Variants in SAMD12 observed in about 807,000 individuals in gnomAD.
SAMD12 encodes sterile alpha motif domain-containing protein 12.
SAMD12 carries 9 observed loss-of-function variants against 15.0 expected under a neutral mutation model. The observed-to-expected ratio is 0.60, with a 90% CI of 0.36 to 1.05. The LOEUF is 1.05. SAMD12 is among the 50% of genes least tolerant of loss of function. The pLI, the probability that SAMD12 is intolerant of heterozygous loss-of-function variation, is 0.01. For synonymous variants in SAMD12, 86 were observed against 90.1 expected (o/e 0.96, Z 0.25); for missense variants, 230 against 234.2 (o/e 0.98, Z 0.12).
chr8:118,150,229 T>C, the SAMD12 span, among the ~76,000 whole-genome samples: 6 of 152,332 alleles, frequency 3.9e-5, no homozygotes, highest in East Asian at 7.7e-4. Flanking sequence ...ATGATATACA[T>C]CTTTAACTCA....
At chr8:118,242,094 T>C (rs1812582908) in intron 4 of SAMD12, among the ~76,000 whole-genome samples, 1 of 152,168 alleles carries the variant, frequency 6.6e-6, no homozygotes, top group Non-Finnish European at 1.5e-5. Flanking sequence ...CTGTATTTTT[T>C]TGTAGAGACA....
chr8:118,581,043 G>A, intron 1 of SAMD12, 150 bp from the exon 2 acceptor site: 3 of 570,466 alleles, frequency 5.3e-6, no homozygotes, highest in Non-Finnish European at 9.1e-6. Context: ...AATATGGTGA[G>A]GAGGGAGCAC....
chr8:118,404,353 T>C (rs752178282), intron 3 of SAMD12, among the ~76,000 whole-genome samples: 2 of 152,218 alleles, frequency 1.3e-5, no homozygotes, highest in Admixed American at 6.5e-5. Context: ...TCTGCAATAA[T>C]TTTGCAAAAT....
the SAMD12 span, among the ~76,000 whole-genome samples, chr8:118,145,435 G>A: frequency 7.0e-4 from 107 of 152,344 alleles, no homozygotes; most frequent in Non-Finnish European, 1.3e-3. Context: ...ACTATCTTGA[G>A]TGTTCATTCA....
At chr8:118,149,349 T>C in the SAMD12 span, among the ~76,000 whole-genome samples, 1 of 152,234 alleles carries the variant, frequency 6.6e-6, no homozygotes, top group African/African-American at 2.4e-5. Context: ...AGATGTGAAG[T>C]GATGGCTCAT....
chr8:118,240,479 G>A (rs1812539950), intron 4 of SAMD12, among the ~76,000 whole-genome samples: 1 of 152,118 alleles, frequency 6.6e-6, no homozygotes, highest in Admixed American at 6.6e-5. Flanking sequence ...CCAGTTATGA[G>A]CTTTGTAACC....
intron 4 of SAMD12, among the ~76,000 whole-genome samples, chr8:118,372,901 T>G (rs73325685): frequency 0.045 from 6,862 of 152,108 alleles, 486 homozygotes; most frequent in African/African-American, 0.15. Context: ...TCTCCAGAAG[T>G]CAAAGAAGTC....
chr8:118,569,369 G>C (rs553683840), intron 2 of SAMD12, among the ~76,000 whole-genome samples: 3 of 152,192 alleles, frequency 2.0e-5, no homozygotes, highest in Non-Finnish European at 4.4e-5. Context: ...CCATCTCCAA[G>C]ATATCTCATT....
intron 2 of SAMD12, among the ~76,000 whole-genome samples, chr8:118,483,705 C>T (rs1316390224): frequency 1.3e-5 from 2 of 152,126 alleles, no homozygotes; most frequent in East Asian, 3.8e-4. Context: ...TTATAATAGA[C>T]AGTAGTACAG....
At chr8:118,608,137 G>A (rs1828024900) in intron 1 of SAMD12, among the ~76,000 whole-genome samples, 3 of 151,578 alleles carry the variant, frequency 2.0e-5, no homozygotes, top group Non-Finnish European at 4.4e-5. Flanking sequence ...CCATAAATTT[G>A]CATCAAGAGT....
At chr8:118,320,305 C>T (rs926403980) in intron 4 of SAMD12, among the ~76,000 whole-genome samples, 57 of 152,086 alleles carry the variant, frequency 3.7e-4, no homozygotes, top group Admixed American at 3.1e-3. Context: ...TTCACATGGA[C>T]GACTCTAGAA....
chr8:118,492,122 CTTTT>C (rs543720456), intron 2 of SAMD12, among the ~76,000 whole-genome samples: 1 of 132,154 alleles, frequency 7.6e-6, no homozygotes. Flanking sequence ...CTGGTGTTGC[CTTTT>C]TTTTTTTTTT....
intron 2 of SAMD12, among the ~76,000 whole-genome samples, chr8:118,565,327 G>A (rs1054095168): frequency 6.6e-6 from 1 of 152,178 alleles, no homozygotes; most frequent in Non-Finnish European, 1.5e-5. Context: ...AGAAAGGCCA[G>A]ATGAGCTATT....
intron 2 of SAMD12, among the ~76,000 whole-genome samples, chr8:118,519,775 A>G (rs1343383896): frequency 2.6e-5 from 4 of 152,220 alleles, no homozygotes; most frequent in African/African-American, 4.8e-5. Context: ...CAAATTGCCT[A>G]AAGCAGTAAA....
At chr8:118,167,386 A>C in the SAMD12 span, among the ~76,000 whole-genome samples, 1 of 152,102 alleles carries the variant, frequency 6.6e-6, no homozygotes, top group Admixed American at 6.5e-5. Flanking sequence ...GGCGTGTTAC[A>C]ATCAGGAGGT....
chr8:118,420,199 G>A (rs987953685), intron 3 of SAMD12, among the ~76,000 whole-genome samples: 4 of 152,174 alleles, frequency 2.6e-5, no homozygotes, highest in Non-Finnish European at 4.4e-5. Context: ...AATTGCTAGA[G>A]AAAGAAAATC....
intron 4 of SAMD12, among the ~76,000 whole-genome samples, chr8:118,224,258 C>T (rs1322017199): frequency 6.6e-6 from 1 of 152,058 alleles, no homozygotes; most frequent in Admixed American, 6.6e-5. Flanking sequence ...TCCTTTCCCT[C>T]ATTACAACAA....
At chr8:118,363,023 A>T (rs1387019529) in intron 4 of SAMD12, among the ~76,000 whole-genome samples, 1 of 152,234 alleles carries the variant, frequency 6.6e-6, no homozygotes, top group African/African-American at 2.4e-5. Flanking sequence ...GGAGGGTGAT[A>T]ACTATGTTTT....
downstream of SAMD12, among the ~76,000 whole-genome samples, chr8:118,376,206 T>G (rs538473412): frequency 6.6e-6 from 1 of 152,334 alleles, no homozygotes; most frequent in African/African-American, 2.4e-5. Flanking sequence ...AAATGGACTT[T>G]GAAAGTGATA....
Sources: gnomAD v4.1 joint callset for allele counts (sites outside exome capture counted in the v4.1 genomes callset) on GRCh38, gnomAD v4.1.1 for gene constraint, MANE v1.5 for transcripts, NCBI Gene and HGNC (gene_info 2026-07-23, HGNC 2026-07-21) for gene names.